The following SEPTIN7 variants were observed in gnomAD, a reference collection of about 807,000 sequenced individuals.
SEPTIN7 encodes septin-7.
Under a neutral mutation model 63.3 loss-of-function variants are expected in SEPTIN7, and 10 were observed. The ratio of observed to expected loss-of-function variants is 0.16; its 90% CI spans 0.10 to 0.27. The LOEUF (loss-of-function observed/expected upper bound fraction) is 0.27. Among genes scored for constraint, SEPTIN7 ranks in the 10% least tolerant of loss-of-function variants. SEPTIN7 has a pLI of 1.00. For synonymous variants in SEPTIN7, 131 were observed against 165.3 expected (o/e 0.79, Z 1.59); for missense variants, 310 against 521.0 (o/e 0.59, Z 3.94).
intron 1 of SEPTIN7, among the ~76,000 whole-genome samples, chr7:35,816,297 A>C (rs755998608): frequency 6.6e-6 from 1 of 152,020 alleles, no homozygotes. Flanking sequence ...GGATTTGTCT[A>C]TCTTGGACAT....
At chr7:35,827,714 CT>C (rs1783591488) in intron 1 of SEPTIN7, among the ~76,000 whole-genome samples, 1 of 152,166 alleles carries the variant, frequency 6.6e-6, no homozygotes, top group Non-Finnish European at 1.5e-5. Flanking sequence ...AGGTCTCGAA[CT>C]CCTGACTTCA....
intron 1 of SEPTIN7, among the ~76,000 whole-genome samples, chr7:35,809,216 A>G (rs1223790306): frequency 1.3e-5 from 2 of 152,326 alleles, no homozygotes; most frequent in African/African-American, 4.8e-5. Context: ...CATGGTGATT[A>G]AGAGTTTTCG....
At chr7:35,861,981 G>T (rs1343582568) in intron 3 of SEPTIN7, among the ~76,000 whole-genome samples, 1 of 152,118 alleles carries the variant, frequency 6.6e-6, no homozygotes, top group Non-Finnish European at 1.5e-5. Flanking sequence ...GGTCCTGTAA[G>T]GTTAATTCAA....
intron 5 of SEPTIN7, 139 bp downstream of exon 5, chr7:35,872,905 C>T: frequency 1.7e-6 from 1 of 604,996 alleles, no homozygotes; most frequent in Non-Finnish European, 3.0e-6. Context: ...GGTTTGTATA[C>T]CAACTTTGCC....
chr7:35,904,200 TA>T, intron 13 of SEPTIN7, 53 bp from the exon 14 acceptor site: 1 of 1,345,396 alleles, frequency 7.4e-7, no homozygotes, highest in East Asian at 2.6e-5. Context: ...TCATGTTGTC[TA>T]TCATGTTTAT....
At chr7:35,830,489 T>G (rs1410315423) in intron 1 of SEPTIN7, among the ~76,000 whole-genome samples, 1 of 152,104 alleles carries the variant, frequency 6.6e-6, no homozygotes, top group African/African-American at 2.4e-5. Context: ...GCTGAGACAT[T>G]AGGATTTTAT....
intron 10 of SEPTIN7, among the ~76,000 whole-genome samples, chr7:35,887,023 A>G (rs1267570285): frequency 6.6e-6 from 1 of 152,248 alleles, no homozygotes; most frequent in African/African-American, 2.4e-5. Flanking sequence ...GGAGAAGAGC[A>G]AAAGCACGAG....
At position 35,905,927 on chromosome 7, in the gene SEPTIN7, T is replaced by C. The variant is rs1788588943; in HGVS notation, c.*1634T>C. ...TTAATTAATGTAGCCTAGTTTATTATCTTGAAATGTTTTACCCTATTTACT... is the reference window on the plus strand; with the variant it reads ...TTAATTAATGTAGCCTAGTTTATTACCTTGAAATGTTTTACCCTATTTACT... On this transcript the variant is annotated 3_prime_UTR_variant, in exon 14 of 14. Coordinates refer to ENST00000350320, the MANE Select transcript of SEPTIN7 (RefSeq NM_001788.6). 1 of 152,228 alleles carries C rather than the reference T, an allele frequency of 6.6e-6. No individual in the cohort carries two copies. The highest frequency in any genetic ancestry group is 1.5e-5 in the Non-Finnish European group (1 of 68,050). 9.4% of individuals were successfully genotyped at this position (152,228 alleles called of 1,614,324 possible). A position where few individuals can be genotyped will look rare whatever the true frequency, so the allele number is the denominator to read the frequency against.
intron 1 of SEPTIN7, among the ~76,000 whole-genome samples, chr7:35,808,574 G>C (rs1304143634): frequency 3.3e-5 from 5 of 152,192 alleles, no homozygotes; most frequent in Non-Finnish European, 2.9e-5. Context: ...TAAGATCACA[G>C]TGCCAGCAGG....
intron 1 of SEPTIN7, among the ~76,000 whole-genome samples, chr7:35,811,542 T>G (rs1204296855): frequency 6.6e-6 from 1 of 152,184 alleles, no homozygotes; most frequent in Non-Finnish European, 1.5e-5. Context: ...TTTAACACAG[T>G]TGGAGACTCT....
At chr7:35,877,793 T>C (rs1457291288) in intron 6 of SEPTIN7, among the ~76,000 whole-genome samples, 1 of 152,180 alleles carries the variant, frequency 6.6e-6, no homozygotes, top group Non-Finnish European at 1.5e-5. Context: ...CGCTGGGTGC[T>C]GAGGATACAG....
chr7:35,877,580 C>T (rs2116249145), intron 6 of SEPTIN7, among the ~76,000 whole-genome samples: 1 of 152,212 alleles, frequency 6.6e-6, no homozygotes, highest in South Asian at 2.1e-4. Flanking sequence ...TTAAAGAATA[C>T]CACTTTAGAA....
downstream of SEPTIN7, among the ~76,000 whole-genome samples, chr7:35,911,030 A>C (rs1583668291): frequency 6.6e-6 from 1 of 151,932 alleles, no homozygotes; most frequent in Non-Finnish European, 1.5e-5. Context: ...GATCCTGAGG[A>C]CCCCCCTGGT....
intron 5 of SEPTIN7, 138 bp from the exon 6 acceptor site, chr7:35,873,503 A>G (rs4445132): frequency 0.32 from 221,457 of 691,224 alleles, 36,785 homozygotes; most frequent in East Asian, 0.43. Flanking sequence ...ATATTTTTGA[A>G]TATATAGAAT....
intron 3 of SEPTIN7, among the ~76,000 whole-genome samples, chr7:35,841,955 A>T (rs943969339): frequency 6.6e-6 from 1 of 152,140 alleles, no homozygotes; most frequent in African/African-American, 2.4e-5. Flanking sequence ...TGTATCACAT[A>T]AGTCTGAAAT....
chr7:35,816,954 A>G (rs1458738565), intron 1 of SEPTIN7, among the ~76,000 whole-genome samples: 1 of 151,426 alleles, frequency 6.6e-6, no homozygotes, highest in African/African-American at 2.4e-5. Context: ...TAGATTCTGG[A>G]TATAAGTCCT....
intron 3 of SEPTIN7, 90 bp from the exon 4 acceptor site, chr7:35,863,462 A>G: frequency 1.4e-6 from 1 of 697,338 alleles, no homozygotes. Context: ...AAGTACTTGC[A>G]TAAGGCAAGT....
intron 9 of SEPTIN7, 46 bp downstream of exon 9, chr7:35,884,033 G>T: frequency 1.6e-6 from 2 of 1,218,794 alleles, no homozygotes; most frequent in South Asian, 2.4e-5. Context: ...TCTCAAAACT[G>T]ATTAAAAATT....
chr7:35,866,577 T>G (rs1785817105), intron 4 of SEPTIN7, among the ~76,000 whole-genome samples: 1 of 152,200 alleles, frequency 6.6e-6, no homozygotes, highest in Non-Finnish European at 1.5e-5. Context: ...GCATTATCTA[T>G]TTATAAGAGA....
Sources: gnomAD v4.1 joint callset for allele counts (sites outside exome capture counted in the v4.1 genomes callset) on GRCh38, gnomAD v4.1.1 for gene constraint, MANE v1.5 for transcripts, NCBI Gene and HGNC (gene_info 2026-07-23, HGNC 2026-07-21) for gene names.